The following TAF1A variants were observed in gnomAD, a reference collection of about 807,000 sequenced individuals.
TAF1A encodes TATA-box binding protein associated factor, RNA polymerase I subunit A.
In TAF1A, 42 loss-of-function variants were observed where a neutral mutation model predicts 61.6. That is an observed-to-expected ratio of 0.68 (90% CI 0.53 to 0.88). The LOEUF (loss-of-function observed/expected upper bound fraction) is 0.88, where lower values mean the gene tolerates loss of function less well. Among genes scored for constraint, TAF1A ranks in the 40% least tolerant of loss-of-function variants. The pLI is 0.00. For synonymous variants in TAF1A, 179 were observed against 177.7 expected (o/e 1.01, Z -0.06); for missense variants, 424 against 518.7 (o/e 0.82, Z 1.77).
chr1:222,562,293 T>G (rs1244843397), intron 9 of TAF1A, among the ~76,000 whole-genome samples: 1 of 152,196 alleles, frequency 6.6e-6, no homozygotes, highest in Non-Finnish European at 1.5e-5. Flanking sequence ...GCACATTAGA[T>G]CTCTATAATT....
chr1:222,569,221 C>G, intron 7 of TAF1A: 2 of 1,213,484 alleles, frequency 1.6e-6, no homozygotes, highest in Non-Finnish European at 2.1e-6. Context: ...TCTCTGAAAA[C>G]TAAATTTCAA....
chr1:222,558,663 G>C lies in TAF1A; in HGVS notation c.1350C>G (p.Leu450=). The change falls in exon 11 of 11, where the codon CTC becomes CTG. Residue 450 remains leucine (L), a synonymous_variant. Coordinates refer to ENST00000352967, the MANE Select transcript of TAF1A (RefSeq NM_005681.4). Reference sequence around the variant, plus strand: ...GTGAAATAACTAAAATTCAGTATCAGAGTCTTGGATTTACAATACTGTATT... The same window carrying C: ...GTGAAATAACTAAAATTCAGTATCACAGTCTTGGATTTACAATACTGTATT... ...VKKYSIVNPR[L] The C allele has an allele frequency of 2.0e-6, 3 of 1,506,276 alleles. No individual in the cohort carries two copies. The highest frequency in any genetic ancestry group is 2.7e-6 in the Non-Finnish European group (3 of 1,111,276). 93.3% of individuals were successfully genotyped at this position (1,506,276 alleles called of 1,614,324 possible). A position where few individuals can be genotyped will look rare whatever the true frequency, so the allele number is the denominator to read the frequency against.
At chr1:222,584,018 T>C (rs1430977328) in intron 3 of TAF1A, 110 bp downstream of exon 3, 3 of 1,316,000 alleles carry the variant, frequency 2.3e-6, no homozygotes, top group African/African-American at 3.0e-5. Context: ...GTAGTTTTAG[T>C]AGCTTTTAGC....
chr1:222,569,059 T>G, intron 7 of TAF1A: 1 of 197,492 alleles, frequency 5.1e-6, no homozygotes, highest in Admixed American at 5.5e-5. Flanking sequence ...AGCAGATCAG[T>G]GATTGTCTGG....
intron 3 of TAF1A, among the ~76,000 whole-genome samples, 163 bp downstream of exon 3, chr1:222,583,960 AAAAAG>A (rs1322683242): frequency 6.6e-6 from 1 of 152,208 alleles, no homozygotes; most frequent in Admixed American, 6.5e-5. Flanking sequence ...AATAAGAGGT[AAAAAG>A]AAGTGTGCAA....
intron 2 of TAF1A, among the ~76,000 whole-genome samples, chr1:222,585,277 G>C (rs899631816): frequency 5.3e-5 from 8 of 151,596 alleles, no homozygotes; most frequent in Non-Finnish European, 7.4e-5. Context: ...CCTGATACAC[G>C]GCTATAATTA....
chr1:222,566,890 G>A (rs907443681), intron 7 of TAF1A, among the ~76,000 whole-genome samples: 4 of 152,162 alleles, frequency 2.6e-5, no homozygotes, highest in African/African-American at 9.7e-5. Context: ...AAAACAGTTT[G>A]ACAATTCCTC....
intron 6 of TAF1A, among the ~76,000 whole-genome samples, chr1:222,570,303 G>C (rs1660297326): frequency 6.6e-6 from 1 of 152,064 alleles, no homozygotes; most frequent in South Asian, 2.1e-4. Flanking sequence ...GAATAAGATT[G>C]AATTAACATT....
At chr1:222,567,259 G>C (rs902281537) in intron 7 of TAF1A, among the ~76,000 whole-genome samples, 1 of 152,174 alleles carries the variant, frequency 6.6e-6, no homozygotes, top group African/African-American at 2.4e-5. Context: ...AATTCACGAA[G>C]ATGGAAATTA....
In TAF1A at chr1:222,579,749, A is replaced by G. The variant is rs1284216563; in HGVS notation, c.405+10T>C. ...CTGCAAGTGTAAATTCACAAAGCCC[A>G]TATTCTCACCTTTAAATAATTCATG... On this transcript the variant is annotated intron_variant, in intron 4 of 10. Coordinates refer to ENST00000352967, the MANE Select transcript of TAF1A (RefSeq NM_005681.4). 1 of 1,601,782 alleles carries G rather than the reference A, an allele frequency of 6.2e-7. No homozygotes were observed. The highest frequency in any genetic ancestry group is 1.8e-5 in the Admixed American group (1 of 56,786).
rs1452724443 is a variant in TAF1A, at chr1:222,584,264, T to G, written c.155A>C (p.Gln52Pro). 1 of 1,607,984 alleles carries G rather than the reference T, an allele frequency of 6.2e-7. No homozygotes were observed. The highest frequency in any genetic ancestry group is 1.1e-5 in the South Asian group (1 of 90,164). The change falls in exon 3 of 11, where the codon CAG (glutamine) becomes CCG (proline). Residue 52 changes from glutamine (Q) to proline (P), a missense_variant. Gln to Pro is a moderately conservative substitution (Grantham distance 76). Transcript: ENST00000352967. ...AAAACTTAAACAAGCACTTGTTGTC[T>G]GAGCAAAATCCTTCCTCCTTTTCCC... ...IGGKRRKDFA[Q>P]TTSACLSFIQ... is the part of the protein sequence containing the mutation.
At chr1:222,560,595 G>C (rs1425773572) in intron 10 of TAF1A, among the ~76,000 whole-genome samples, 1 of 152,110 alleles carries the variant, frequency 6.6e-6, no homozygotes, top group Non-Finnish European at 1.5e-5. Flanking sequence ...TCAGTGTATT[G>C]ATTTTTATTT....
intron 5 of TAF1A, among the ~76,000 whole-genome samples, chr1:222,575,854 C>A (rs1355903110): frequency 6.6e-6 from 1 of 152,202 alleles, no homozygotes; most frequent in Non-Finnish European, 1.5e-5. Flanking sequence ...AGTAACATTA[C>A]AAATGCGATG....
intron 7 of TAF1A, among the ~76,000 whole-genome samples, chr1:222,566,124 A>G (rs76631275): frequency 0.012 from 1,886 of 152,340 alleles, 52 homozygotes; most frequent in African/African-American, 0.043. Flanking sequence ...CTATAATTTA[A>G]CAACAAAAAC....
chr1:222,583,302 A>G (rs561627311), intron 3 of TAF1A, among the ~76,000 whole-genome samples: 5 of 152,052 alleles, frequency 3.3e-5, no homozygotes, highest in African/African-American at 7.2e-5. Flanking sequence ...TTCATGGGAG[A>G]AAAAAAAGGT....
At chr1:222,561,712 C>T (rs1176781620) in intron 9 of TAF1A, among the ~76,000 whole-genome samples, 194 bp from the exon 10 acceptor site, 4 of 152,196 alleles carry the variant, frequency 2.6e-5, no homozygotes, top group Admixed American at 2.6e-4. Flanking sequence ...CTTCCATCTC[C>T]ATATCCCATT....
Position 222,589,864 on chromosome 1 carries a change from C to G in TAF1A, c.-140G>C, listed in dbSNP as rs541565289. Reference sequence around the variant, plus strand: ...AAACCTGGTTTAGGTATTTAGGCAGCGCGCGGCCCGGCTCGTAACTCCTCC... The same window carrying G: ...AAACCTGGTTTAGGTATTTAGGCAGGGCGCGGCCCGGCTCGTAACTCCTCC... On this transcript the variant is annotated 5_prime_UTR_variant, in exon 1 of 11. Coordinates refer to ENST00000352967, the MANE Select transcript of TAF1A (RefSeq NM_005681.4). The G allele has an allele frequency of 2.5e-6, 1 of 393,676 alleles. No homozygotes were observed. Among genetic ancestry groups the G allele is most frequent in the Non-Finnish European group, 4.5e-6 (1 of 223,542 alleles). The allele number at this position is 393,676 out of a possible 1,614,324, so 24.4% of individuals were successfully genotyped here.
At chr1:222,564,318 A>T (rs1361683395) in intron 7 of TAF1A, among the ~76,000 whole-genome samples, 193 bp from the exon 8 acceptor site, 1 of 40,004 alleles carries the variant, frequency 2.5e-5, no homozygotes. Flanking sequence ...AGCTGTCTTA[A>T]AAAAAAAAAA....
At chr1:222,576,005 G>A (rs374845315) in intron 5 of TAF1A, among the ~76,000 whole-genome samples, 2 of 152,066 alleles carry the variant, frequency 1.3e-5, no homozygotes, top group South Asian at 2.1e-4. Flanking sequence ...AATATGACAA[G>A]ACTAACAAAA....
Sources: gnomAD v4.1 joint callset for allele counts (sites outside exome capture counted in the v4.1 genomes callset) on GRCh38, gnomAD v4.1.1 for gene constraint, MANE v1.5 for transcripts, NCBI Gene and HGNC (gene_info 2026-07-23, HGNC 2026-07-21) for gene names.